LRRFIP1: variants seen among roughly 807,000 people sequenced by gnomAD.
LRRFIP1 encodes leucine-rich repeat flightless-interacting protein 1.
Under a neutral mutation model 104.4 loss-of-function variants are expected in LRRFIP1, and 62 were observed. The ratio of observed to expected loss-of-function variants is 0.59; its 90% confidence interval spans 0.48 to 0.73. LRRFIP1 has a LOEUF of 0.73. Among genes scored for constraint, LRRFIP1 ranks in the 30% least tolerant of loss-of-function variants. The pLI, the probability that LRRFIP1 is intolerant of heterozygous loss-of-function variation, is 0.00. For synonymous variants in LRRFIP1, 300 were observed against 299.0 expected (o/e 1.00, Z -0.03); for missense variants, 796 against 824.5 (o/e 0.97, Z 0.42).
At position 237,757,564 on chromosome 2, in the gene LRRFIP1, C is replaced by T. The variant is rs772629450; in HGVS notation, c.1224+16C>T. On this transcript the variant is annotated intron_variant, in intron 17 of 23. Transcript: ENST00000308482. ...AAAGATAGGGGTAGGATTCCCAAGT[C>T]TTGAAAATCTACTCAAATGGGCAGC... 1.2e-5 allele frequency: 19 copies of T among 1,536,666 alleles called. No homozygotes were observed. The highest frequency in any genetic ancestry group is 1.6e-5 in the Non-Finnish European group (18 of 1,130,068).
chr2:237,748,851 G>C (rs528641832), intron 12 of LRRFIP1, among the ~76,000 whole-genome samples: 1 of 152,166 alleles, frequency 6.6e-6, no homozygotes, highest in African/African-American at 2.4e-5. Flanking sequence ...CCTGAGACTG[G>C]GTAATTTACA....
chr2:237,741,592 C>T (rs944744064), intron 11 of LRRFIP1, among the ~76,000 whole-genome samples: 3 of 152,162 alleles, frequency 2.0e-5, no homozygotes, highest in African/African-American at 7.2e-5. Flanking sequence ...CTTTGGGAGG[C>T]TGAGGCAGGT....
chr2:237,670,726 T>A (rs2090206385), intron 1 of LRRFIP1, among the ~76,000 whole-genome samples: 1 of 152,210 alleles, frequency 6.6e-6, no homozygotes, highest in Non-Finnish European at 1.5e-5. Flanking sequence ...TCTGGCTGTG[T>A]GGCTCAGGAC....
chr2:237,665,927 G>C (rs1287840004), intron 1 of LRRFIP1, among the ~76,000 whole-genome samples: 1 of 152,194 alleles, frequency 6.6e-6, no homozygotes, highest in Non-Finnish European at 1.5e-5. Flanking sequence ...CTGCAGTCTG[G>C]CTTCAGTGAT....
chr2:237,745,143 C>T (rs3769066), intron 11 of LRRFIP1, among the ~76,000 whole-genome samples: 4,740 of 152,320 alleles, frequency 0.031, 143 homozygotes, highest in Admixed American at 0.078. Context: ...GTGGACTCTG[C>T]TGCCTGCGGC....
chr2:237,729,917 G>A (rs1206581171), intron 8 of LRRFIP1: 1 of 670,454 alleles, frequency 1.5e-6, no homozygotes, highest in Admixed American at 6.3e-5. Flanking sequence ...TGTGTGTGTG[G>A]ATTCAGCTCT....
intron 23 of LRRFIP1, among the ~76,000 whole-genome samples, chr2:237,775,050 G>C (rs765637813): frequency 2.0e-5 from 3 of 152,278 alleles, no homozygotes; most frequent in Non-Finnish European, 2.9e-5. Context: ...CCGGGCACGG[G>C]TTCAGGTGCT....
chr2:237,700,810 A>G (rs557554295), intron 1 of LRRFIP1, among the ~76,000 whole-genome samples: 1 of 151,582 alleles, frequency 6.6e-6, no homozygotes, highest in Admixed American at 6.6e-5. Context: ...CTGCGGGGGG[A>G]GGTGGGAGCC....
Position 237,733,040 on chromosome 2 carries a change from G to A in LRRFIP1, c.445-734G>A, listed in dbSNP as rs536277831. On this transcript the variant is annotated intron_variant, in intron 8 of 23. Coordinates refer to ENST00000308482, the MANE Select transcript of LRRFIP1 (RefSeq NM_001137550.2). ...GAACTGTCCCTCTCCCTTGCATGTC[G>A]ACTGGAGCTGCTGAGTGATCACCGC... Among the ~76,000 whole-genome samples the A allele has an allele frequency of 3.3e-5, 5 of 152,296 alleles. No homozygotes were observed. In the East Asian group the frequency reaches 9.6e-4, roughly 29 times the overall value.
intron 1 of LRRFIP1, among the ~76,000 whole-genome samples, chr2:237,704,155 T>C (rs2093687220): frequency 6.7e-6 from 1 of 149,298 alleles, no homozygotes; most frequent in African/African-American, 2.5e-5. Context: ...GATGTTCTTT[T>C]TTTTTTTTTT....
intron 1 of LRRFIP1, among the ~76,000 whole-genome samples, chr2:237,629,764 G>A (rs35077901): frequency 0.4 from 61,416 of 151,896 alleles, 12,838 homozygotes; most frequent in East Asian, 0.45. Context: ...AAGCCACTGC[G>A]CCCAGCCTAT....
At chr2:237,704,745 C>G (rs2093719479) in intron 1 of LRRFIP1, among the ~76,000 whole-genome samples, 1 of 152,090 alleles carries the variant, frequency 6.6e-6, no homozygotes, top group Admixed American at 6.5e-5. Context: ...GAATTGTATT[C>G]AGTGACAAAT....
In LRRFIP1 at chr2:237,779,544, G is replaced by A. The variant is rs1025767632; in HGVS notation, c.*12G>A. On this transcript the variant is annotated 3_prime_UTR_variant, in exon 24 of 24. Coordinates refer to ENST00000308482, the MANE Select transcript of LRRFIP1 (RefSeq NM_001137550.2). ...TGTCCCAGCAGTAAATTCCAGCTCT[G>A]ATCAGGCAACTGGTTGGTGACTGGA... is the stretch of plus-strand genomic sequence containing the variant. The A allele has an allele frequency of 5.0e-6, 8 of 1,605,854 alleles. No homozygotes were observed. The highest frequency in any genetic ancestry group is 6.8e-6 in the Non-Finnish European group (8 of 1,173,036).
At chr2:237,740,700 TCAGGTATCAGCAAATG>T (rs1201191402) in intron 11 of LRRFIP1, among the ~76,000 whole-genome samples, 1 of 152,138 alleles carries the variant, frequency 6.6e-6, no homozygotes, top group Non-Finnish European at 1.5e-5. Context: ...ATACCTGCAT[TCAGGTATCAGCAAATG>T]CAGGTATCAG....
chr2:237,742,463 G>A (rs970085110), intron 11 of LRRFIP1, among the ~76,000 whole-genome samples: 2 of 152,182 alleles, frequency 1.3e-5, no homozygotes, highest in African/African-American at 4.8e-5. Context: ...GTTCCCTCGC[G>A]GATGTGTTAC....
chr2:237,704,810 T>A (rs1478944724), intron 1 of LRRFIP1, among the ~76,000 whole-genome samples: 2 of 152,180 alleles, frequency 1.3e-5, no homozygotes, highest in Admixed American at 6.5e-5. Flanking sequence ...TGACCTGTCT[T>A]GGAGGTGGGC....
rs2059078365 is a variant in LRRFIP1, at chr2:237,754,804, G to C, written c.1039-1291G>C. Among the ~76,000 whole-genome samples the C allele has an allele frequency of 2.6e-5, 4 of 152,208 alleles. No homozygotes were observed. The South Asian group carries it at 8.3e-4, about 32-fold the overall frequency. On this transcript the variant is annotated intron_variant, in intron 15 of 23. Transcript: ENST00000308482. ...AGAGCACAGCCCAGCCCCCCTTCGG[G>C]TGGGGGCCTGTAATGCATATGCATT... is the stretch of plus-strand genomic sequence containing the variant.
intron 1 of LRRFIP1, among the ~76,000 whole-genome samples, chr2:237,681,434 T>C (rs1332479251): frequency 2.0e-5 from 3 of 152,058 alleles, no homozygotes; most frequent in African/African-American, 7.2e-5. Flanking sequence ...TGGTGTGATC[T>C]TGGCTCACTG....
intron 1 of LRRFIP1, among the ~76,000 whole-genome samples, chr2:237,644,326 G>A (rs1030128352): frequency 2.0e-5 from 3 of 152,350 alleles, no homozygotes; most frequent in African/African-American, 7.2e-5. Context: ...TGTAGAACAT[G>A]CTCCGTGTGG....
Sources: gnomAD v4.1 joint callset for allele counts (sites outside exome capture counted in the v4.1 genomes callset) on GRCh38, gnomAD v4.1.1 for gene constraint, MANE v1.5 for transcripts, NCBI Gene and HGNC (gene_info 2026-07-23, HGNC 2026-07-21) for gene names.